TMEM132C: variants seen among roughly 807,000 people sequenced by gnomAD.
The protein encoded by TMEM132C is transmembrane protein 132C, also known as protein phosphatase 1, regulatory subunit 152.
Under a neutral mutation model 61.4 loss-of-function variants are expected in TMEM132C, and 29 were observed. That is an observed-to-expected ratio of 0.47 (90% CI 0.35 to 0.64). The LOEUF is 0.64. Ranked by LOEUF, TMEM132C falls within the 30% of genes least tolerant of loss-of-function variation. The pLI, the probability that TMEM132C is intolerant of heterozygous loss-of-function variation, is 0.00. For synonymous variants in TMEM132C, 656 were observed against 633.1 expected (o/e 1.04, Z -0.54); for missense variants, 1,408 against 1,476.9 (o/e 0.95, Z 0.76).
At chr12:128,458,545 C>T (rs1270792128) in intron 2 of TMEM132C, among the ~76,000 whole-genome samples, 1 of 151,994 alleles carries the variant, frequency 6.6e-6, no homozygotes, top group Non-Finnish European at 1.5e-5. Context: ...GTCCCCTTTG[C>T]CCGGTGACTA....
intron 3 of TMEM132C, among the ~76,000 whole-genome samples, chr12:128,609,305 C>T (rs1876546775): frequency 6.7e-6 from 1 of 149,094 alleles, no homozygotes; most frequent in South Asian, 2.2e-4. Flanking sequence ...CGCCTCCCTG[C>T]AACCCTGCTA....
At chr12:128,534,419 C>T (rs1308840178) in intron 2 of TMEM132C, among the ~76,000 whole-genome samples, 1 of 152,256 alleles carries the variant, frequency 6.6e-6, no homozygotes, top group Non-Finnish European at 1.5e-5. Flanking sequence ...GGGAAATCAT[C>T]TCCCAAGCTA....
chr12:128,547,128 G>A (rs560756030), intron 3 of TMEM132C, among the ~76,000 whole-genome samples: 23 of 152,308 alleles, frequency 1.5e-4, no homozygotes, highest in Middle Eastern at 3.4e-3. Context: ...CAATGGTGTC[G>A]CCCTTCCTGG....
Position 128,512,181 on chromosome 12 carries a change from C to T in TMEM132C, c.975-31776C>T, listed in dbSNP as rs373596918. 4.2e-4 allele frequency among the ~76,000 whole-genome samples: 64 copies of T among 152,052 alleles called. 1 individual carries two copies. The highest frequency in any genetic ancestry group is 3.4e-3 in the Middle Eastern group (1 of 294). On this transcript the variant is annotated intron_variant, in intron 2 of 8. Coordinates refer to ENST00000435159, the MANE Select transcript of TMEM132C (RefSeq NM_001136103.3). ...ACAATTAAAAAGATAGACAAAGAGA[C>T]GCCTTGCTTCCCTTCCTGGGCCTCT...
chr12:128,401,238 T>C (rs1321547060), intron 1 of TMEM132C, among the ~76,000 whole-genome samples: 1 of 152,206 alleles, frequency 6.6e-6, no homozygotes, highest in Non-Finnish European at 1.5e-5. Context: ...TATATGGTCC[T>C]TTAAGAAAAA....
chr12:128,469,678 G>A (rs998982625), intron 2 of TMEM132C, among the ~76,000 whole-genome samples: 1 of 148,538 alleles, frequency 6.7e-6, no homozygotes. Context: ...ATATATATGT[G>A]CATTTATGTG....
intron 2 of TMEM132C, among the ~76,000 whole-genome samples, chr12:128,457,305 T>TAAAA (rs578230110): frequency 1.3e-3 from 161 of 120,894 alleles, no homozygotes; most frequent in Middle Eastern, 8.3e-3. Context: ...TCTCCATCTG[T>TAAAA]AAAAAAAAAA....
Position 128,705,842 on chromosome 12 carries a change from C to T in TMEM132C, c.2874C>T (p.Pro958=). ...TGAAGTACAGGCACAAGCAAGTGCC[C>T]CTGGAAGGTCAGGCCTCCATGACCC... ...FALKYRHKQV[P]LEGQASMTHS... is the part of the protein sequence containing the mutation. The change falls in exon 9 of 9, where the codon CCC becomes CCT. Residue 958 remains proline (P), a synonymous_variant. Transcript: ENST00000435159. 6.4e-7 allele frequency: 1 copy of T among 1,551,658 alleles called. No homozygotes were observed. Among genetic ancestry groups the T allele is most frequent in the South Asian group, 1.2e-5 (1 of 84,064 alleles).
chr12:128,638,890 G>A lies in TMEM132C; in HGVS notation c.1305+22555G>A, dbSNP rs113811295. On this transcript the variant is annotated intron_variant, in intron 4 of 8. Coordinates refer to ENST00000435159, the MANE Select transcript of TMEM132C (RefSeq NM_001136103.3). ...GAAGAGGAGAATGGTGATGATGGTG[G>A]TGGTGATGGTGGTGATGGTGATGAT... Among the ~76,000 whole-genome samples the A allele has an allele frequency of 9.2e-3, 597 of 64,682 alleles. 4 individuals carry two copies. Among genetic ancestry groups the A allele is most frequent in the African/African-American group, 0.014 (239 of 17,324 alleles). The allele number at this position is 64,682 out of a possible 152,430, so 42.4% of individuals were successfully genotyped here.
intron 1 of TMEM132C, among the ~76,000 whole-genome samples, chr12:128,363,416 T>A (rs749728933): frequency 6.6e-6 from 1 of 152,162 alleles, no homozygotes; most frequent in Non-Finnish European, 1.5e-5. Context: ...TCCTGCACAA[T>A]CTATGTAACC....
chr12:128,471,189 C>G (rs190863684), intron 2 of TMEM132C, among the ~76,000 whole-genome samples: 10 of 152,292 alleles, frequency 6.6e-5, no homozygotes, highest in East Asian at 5.8e-4. Context: ...ATCCCTGCTT[C>G]GATCTGTGAC....
At chr12:128,639,735 A>C (rs936290435) in intron 4 of TMEM132C, among the ~76,000 whole-genome samples, 2 of 152,132 alleles carry the variant, frequency 1.3e-5, no homozygotes, top group African/African-American at 4.8e-5. Context: ...GAAACTGAGG[A>C]GGTTTCTGGG....
chr12:128,522,551 G>A (rs906057756), intron 2 of TMEM132C, among the ~76,000 whole-genome samples: 2 of 152,202 alleles, frequency 1.3e-5, no homozygotes, highest in African/African-American at 2.4e-5. Flanking sequence ...TTCATCATTG[G>A]TTAGTGAATG....
intron 3 of TMEM132C, among the ~76,000 whole-genome samples, chr12:128,586,652 A>C (rs1431643266): frequency 1.3e-5 from 2 of 152,208 alleles, no homozygotes; most frequent in Non-Finnish European, 2.9e-5. Flanking sequence ...TCTGTCTCTC[A>C]AAACAACTGT....
At chr12:128,643,213 G>A (rs907724809) in intron 4 of TMEM132C, among the ~76,000 whole-genome samples, 11 of 152,144 alleles carry the variant, frequency 7.2e-5, no homozygotes, top group African/African-American at 1.4e-4. Flanking sequence ...CCGGATTACC[G>A]CTTGTGCTTC....
At chr12:128,477,776 T>A in intron 2 of TMEM132C, among the ~76,000 whole-genome samples, 1 of 152,188 alleles carries the variant, frequency 6.6e-6, no homozygotes, top group South Asian at 2.1e-4. Context: ...GAGACAGGGT[T>A]TCACCATATT....
intron 1 of TMEM132C, among the ~76,000 whole-genome samples, chr12:128,397,701 A>G (rs1421382051): frequency 6.6e-6 from 1 of 151,432 alleles, no homozygotes; most frequent in African/African-American, 2.4e-5. Context: ...CCAACCTTGC[A>G]CTCCTGCAGC....
intron 1 of TMEM132C, among the ~76,000 whole-genome samples, chr12:128,298,395 T>A (rs1033100719): frequency 6.6e-6 from 1 of 152,072 alleles, no homozygotes; most frequent in South Asian, 2.1e-4. Flanking sequence ...TATGTTGATT[T>A]TTTTGTCTGT....
intron 3 of TMEM132C, among the ~76,000 whole-genome samples, chr12:128,572,871 C>T (rs957939803): frequency 6.6e-6 from 1 of 152,204 alleles, no homozygotes; most frequent in Non-Finnish European, 1.5e-5. Context: ...GGTGAAGATA[C>T]CAGAGAAATG....
Sources: gnomAD v4.1 joint callset for allele counts (sites outside exome capture counted in the v4.1 genomes callset) on GRCh38, gnomAD v4.1.1 for gene constraint, MANE v1.5 for transcripts, NCBI Gene and HGNC (gene_info 2026-07-23, HGNC 2026-07-21) for gene names.